The following SEMA4B variants were observed in gnomAD, a reference collection of about 807,000 sequenced individuals.
The protein encoded by SEMA4B is semaphorin-4B.
SEMA4B carries 55 observed loss-of-function variants against 88.1 expected under a neutral mutation model. That is an observed-to-expected ratio of 0.62 (90% CI 0.50 to 0.78). SEMA4B has a LOEUF of 0.78. Among genes scored for constraint, SEMA4B ranks in the 30% least tolerant of loss-of-function variants. SEMA4B has a pLI of 0.00. For missense variants in SEMA4B, 1,062 were observed against 1,111.9 expected (o/e 0.96, Z 0.64); for synonymous variants, 525 against 473.6 (o/e 1.11, Z -1.41).
chr15:90,189,208 AAGGT>A (rs1960274571), intron 1 of SEMA4B, among the ~76,000 whole-genome samples: 1 of 151,948 alleles, frequency 6.6e-6, no homozygotes, highest in Admixed American at 6.6e-5. Flanking sequence ...GAAGGAAGAA[AAGGT>A]AGGAAGGAGG....
intron 1 of SEMA4B, among the ~76,000 whole-genome samples, chr15:90,187,745 G>A (rs1010309751): frequency 9.2e-5 from 14 of 152,150 alleles, no homozygotes; most frequent in Non-Finnish European, 4.4e-5. Flanking sequence ...AGTGACCCAC[G>A]CCTGTAATCC....
At chr15:90,188,762 G>GA (rs1379101530) in intron 1 of SEMA4B, among the ~76,000 whole-genome samples, 1 of 152,058 alleles carries the variant, frequency 6.6e-6, no homozygotes, top group African/African-American at 2.4e-5. Context: ...CCGCCCCCCG[G>GA]ATTCATGCCA....
At chr15:90,219,731 G>T in intron 3 of SEMA4B, 62 bp from the exon 4 acceptor site, 2 of 1,345,830 alleles carry the variant, frequency 1.5e-6, no homozygotes, top group South Asian at 1.3e-5. Flanking sequence ...GGGGGGCTCG[G>T]CGGTGCCCCC....
At position 90,229,273 on chromosome 15, in the gene SEMA4B, C is replaced by A; in HGVS notation, c.*630C>A. 4.4e-6 allele frequency: 2 copies of A among 456,694 alleles called. No individual in the cohort carries two copies. Among genetic ancestry groups the A allele is most frequent in the South Asian group, 3.1e-5 (2 of 64,572 alleles). 28.3% of individuals were successfully genotyped at this position (456,694 alleles called of 1,614,324 possible). ...CACCAGGTCCTGGGCTCGGACCCAACTCCTGGACCTTTCCAGCCTGTATCA... is the reference window on the plus strand; with the variant it reads ...CACCAGGTCCTGGGCTCGGACCCAAATCCTGGACCTTTCCAGCCTGTATCA... On this transcript the variant is annotated 3_prime_UTR_variant, in exon 14 of 14. Coordinates refer to ENST00000411539, the MANE Select transcript of SEMA4B (RefSeq NM_198925.4).
chr15:90,196,140 G>T (rs1960498130), intron 1 of SEMA4B, among the ~76,000 whole-genome samples: 1 of 145,420 alleles, frequency 6.9e-6, no homozygotes, highest in African/African-American at 2.6e-5. Context: ...GTGTTAGCCA[G>T]GATGGTCTCG....
chr15:90,209,497 A>G (rs527549532), intron 1 of SEMA4B, among the ~76,000 whole-genome samples: 219 of 152,186 alleles, frequency 1.4e-3, no homozygotes, highest in African/African-American at 5.1e-3. Flanking sequence ...CTTGAACCCA[A>G]GGTTCAAGGT....
intron 1 of SEMA4B, among the ~76,000 whole-genome samples, chr15:90,213,482 G>A (rs1961371643): frequency 6.6e-6 from 1 of 152,258 alleles, no homozygotes; most frequent in Non-Finnish European, 1.5e-5. Flanking sequence ...AGGGCTTGTG[G>A]CTGGCTCGTT....
At position 90,225,815 on chromosome 15, in the gene SEMA4B, A is replaced by G. The variant is rs996215107; in HGVS notation, c.1676A>G (p.Gln559Arg). ...SCKHVSLYQPQLATRPWIQDI... is the reference protein window; with the variant it reads ...SCKHVSLYQPRLATRPWIQDI... ...AAGCACGTCAGCCTCTACCAGCCTC[A>G]GCTGGCCACCAGGTGAGCACTCCCA... Residue 559 changes from glutamine (Q) to arginine (R), a missense_variant, in exon 12 of 14, where the codon CAG becomes CGG. Coordinates refer to ENST00000411539, the MANE Select transcript of SEMA4B (RefSeq NM_198925.4). 2.0e-6 allele frequency: 3 copies of G among 1,537,844 alleles called. No individual in the cohort carries two copies. Among genetic ancestry groups the G allele is most frequent in the Non-Finnish European group, 2.6e-6 (3 of 1,142,806 alleles).
intron 7 of SEMA4B, among the ~76,000 whole-genome samples, chr15:90,222,955 T>G (rs1961938340): frequency 5.3e-5 from 5 of 94,392 alleles, no homozygotes. Context: ...TAACTCTGTG[T>G]ATATATATAT....
Position 90,228,074 on chromosome 15 carries a change from C to T in SEMA4B, c.1945C>T (p.Gln649Ter). Residue 649 changes from glutamine to a stop codon, truncating the protein, a stop_gained, in exon 14 of 14, where the codon CAA becomes TAA. Coordinates refer to ENST00000411539, the MANE Select transcript of SEMA4B (RefSeq NM_198925.4). LOFTEE classifies it high-confidence loss of function. ...TGGGGACCTGCTGCTGGTGGGCACCCAACAGCTGGGGGAGTTCCAGTGCTG... is the reference window on the plus strand; with the variant it reads ...TGGGGACCTGCTGCTGGTGGGCACCTAACAGCTGGGGGAGTTCCAGTGCTG... ...PTGDLLLVGT[Q>*]QLGEFQCWSL... is the part of the protein sequence containing the mutation. The T allele has an allele frequency of 6.2e-7, 1 of 1,613,346 alleles. No individual in the cohort carries two copies. Among genetic ancestry groups the T allele is most frequent in the South Asian group, 1.1e-5 (1 of 90,980 alleles).
intron 7 of SEMA4B, 110 bp downstream of exon 7, chr15:90,221,875 G>A: frequency 2.1e-6 from 2 of 957,112 alleles, no homozygotes; most frequent in Non-Finnish European, 3.1e-6. Context: ...AAGGAGTACA[G>A]CTTGGCTAAC....
At chr15:90,195,230 A>T (rs1048303195) in intron 1 of SEMA4B, among the ~76,000 whole-genome samples, 1 of 151,966 alleles carries the variant, frequency 6.6e-6, no homozygotes, top group Non-Finnish European at 1.5e-5. Context: ...AGTAGCTGGG[A>T]CTACAGGTGC....
intron 3 of SEMA4B, among the ~76,000 whole-genome samples, chr15:90,218,293 C>T (rs1446228108): frequency 6.6e-6 from 1 of 152,162 alleles, no homozygotes; most frequent in East Asian, 1.9e-4. Flanking sequence ...CCCAGGTTCT[C>T]CTGGAGGACT....
At position 90,228,325 on chromosome 15, in the gene SEMA4B, A is replaced by G; in HGVS notation, c.2196A>G (p.Pro732=). The part of the protein sequence containing the change: ...CTLFVLAVLL[P]VLFLLYRHRN... ...TCTTTGTGCTGGCCGTGCTGCTCCC[A>G]GTTTTATTCTTGCTCTACCGGCACC... The change falls in exon 14 of 14, where the codon CCA becomes CCG. Residue 732 remains proline (P), a synonymous_variant. Coordinates refer to ENST00000411539, the MANE Select transcript of SEMA4B (RefSeq NM_198925.4). The G allele has an allele frequency of 1.9e-6, 3 of 1,599,420 alleles. No homozygotes were observed. Among genetic ancestry groups the G allele is most frequent in the Non-Finnish European group, 2.6e-6 (3 of 1,172,284 alleles).
At chr15:90,205,174 T>C (rs1960931463) in intron 1 of SEMA4B, among the ~76,000 whole-genome samples, 1 of 152,240 alleles carries the variant, frequency 6.6e-6, no homozygotes, top group African/African-American at 2.4e-5. Context: ...TCTGCAGGCC[T>C]GCAAACTGCA....
upstream of SEMA4B, among the ~76,000 whole-genome samples, chr15:90,196,536 G>C (rs901220327): frequency 6.6e-6 from 1 of 152,058 alleles, no homozygotes; most frequent in Non-Finnish European, 1.5e-5. Context: ...GGTCAGGCTG[G>C]AGTGCAGTGG....
chr15:90,187,396 G>T (rs1161165963), intron 1 of SEMA4B, among the ~76,000 whole-genome samples: 1 of 152,194 alleles, frequency 6.6e-6, no homozygotes, highest in Non-Finnish European at 1.5e-5. Flanking sequence ...GACATTTGCT[G>T]GGTACCTGCT....
rs780511784 is a variant in SEMA4B at position 90,228,667 on chromosome 15, C to T, written c.*24C>T. ...GAGAGCTGACTTCCAGAGGACGCTG[C>T]CCTGGCTTCAGGGGCTGTGAATGCT... On this transcript the variant is annotated 3_prime_UTR_variant, in exon 14 of 14. Transcript: ENST00000411539. The T allele has an allele frequency of 1.6e-5, 26 of 1,612,286 alleles. No individual in the cohort carries two copies. Among genetic ancestry groups the T allele is most frequent in the Non-Finnish European group, 2.1e-5 (25 of 1,179,694 alleles).
At position 90,201,714 on chromosome 15, in the gene SEMA4B, C is replaced by G; in HGVS notation, c.136C>G (p.Pro46Ala). The change falls in exon 1 of 14, where the codon CCC (proline) becomes GCC (alanine). Residue 46 changes from proline (P) to alanine (A), a missense_variant. Coordinates refer to ENST00000411539, the MANE Select transcript of SEMA4B (RefSeq NM_198925.4). Reference sequence around the variant, plus strand: ...GCCGCCTCCGACCTGGGCGCTCAGCCCCCGGATCAGCCTGCCTCTGGGTGA... The same window carrying G: ...GCCGCCTCCGACCTGGGCGCTCAGCGCCCGGATCAGCCTGCCTCTGGGTGA... ...QPPPPTWALSPRISLPLGSEE... is the reference protein window; with the variant it reads ...QPPPPTWALSARISLPLGSEE... The G allele has an allele frequency of 2.0e-6, 3 of 1,490,262 alleles. No homozygotes were observed. Among genetic ancestry groups the G allele is most frequent in the Non-Finnish European group, 2.7e-6 (3 of 1,125,322 alleles). The allele number at this position is 1,490,262 out of a possible 1,614,324, so 92.3% of individuals were successfully genotyped here.
Sources: allele counts gnomAD v4.1 joint callset (sites outside exome capture counted in the v4.1 genomes callset), GRCh38; gene constraint gnomAD v4.1.1; transcripts MANE v1.5; gene names NCBI Gene and HGNC (gene_info 2026-07-23, HGNC 2026-07-21).